The following ICE1 variants were observed in gnomAD, a reference collection of about 807,000 sequenced individuals.
The protein encoded by ICE1 is little elongation complex subunit 1.
ICE1 carries 64 observed loss-of-function variants against 192.7 expected under a neutral mutation model. The ratio of observed to expected loss-of-function variants is 0.33; its 90% CI spans 0.27 to 0.41. ICE1 has a LOEUF of 0.41. Ranked by LOEUF, ICE1 falls within the 10% of genes least tolerant of loss-of-function variation. The pLI is 1.00. For synonymous variants in ICE1, 1,010 were observed against 984.5 expected, an observed-to-expected ratio of 1.03 and a Z score of -0.49; for missense variants, 2,708 against 2,696.0, an observed-to-expected ratio of 1.00 and a Z score of -0.10.
intron 3 of ICE1, 109 bp downstream of exon 3, chr5:5,437,223 A>G: frequency 1.3e-6 from 1 of 784,728 alleles, no homozygotes; most frequent in East Asian, 2.7e-5. Context: ...ATAGTACTTA[A>G]CAGGCTTCAG....
intron 1 of ICE1, among the ~76,000 whole-genome samples, chr5:5,423,240 C>T (rs1250043910): frequency 6.6e-6 from 1 of 152,098 alleles, no homozygotes; most frequent in Non-Finnish European, 1.5e-5. Context: ...GCTGGTGTAA[C>T]GGTGGGGGTG....
In ICE1 at chr5:5,462,141, A is replaced by G; in HGVS notation, c.2807A>G (p.Asp936Gly). Reference sequence around the variant, plus strand: ...GTTTCTGCCTCTAGGAGAAAATTAGATTTTAATTCTCCAGGTGGTTCTTCA... The same window carrying G: ...GTTTCTGCCTCTAGGAGAAAATTAGGTTTTAATTCTCCAGGTGGTTCTTCA... ...PEVSASRRKL[D>G]FNSPGGSSPV... Residue 936 changes from aspartate (D) to glycine (G), a missense_variant, in exon 13 of 19, where the codon GAT (aspartate) becomes GGT (glycine). By Grantham distance (94) the Asp-to-Gly change is moderately conservative. Transcript: ENST00000296564. 2 of 1,613,914 alleles carry G rather than the reference A, an allele frequency of 1.2e-6. No individual in the cohort carries two copies. Among genetic ancestry groups the G allele is most frequent in the Non-Finnish European group, 1.7e-6 (2 of 1,179,798 alleles).
chr5:5,428,607 G>A (rs975305032), intron 1 of ICE1, among the ~76,000 whole-genome samples: 1 of 152,084 alleles, frequency 6.6e-6, no homozygotes, highest in Non-Finnish European at 1.5e-5. Context: ...TTTGTCTCCT[G>A]TACATGTTCC....
At chr5:5,475,240 C>G (rs1406002101) in intron 16 of ICE1, among the ~76,000 whole-genome samples, 1 of 152,180 alleles carries the variant, frequency 6.6e-6, no homozygotes, top group Non-Finnish European at 1.5e-5. Context: ...AACTGCCGAC[C>G]CTGCTCCCTT....
intron 1 of ICE1, among the ~76,000 whole-genome samples, chr5:5,428,546 A>G (rs989597911): frequency 2.6e-5 from 4 of 152,306 alleles, no homozygotes; most frequent in East Asian, 1.9e-4. Context: ...CAAATTCACA[A>G]ATTGTTAACA....
intron 3 of ICE1, 149 bp downstream of exon 3, chr5:5,437,263 C>A: frequency 1.7e-6 from 1 of 577,556 alleles, no homozygotes; most frequent in South Asian, 2.3e-5. Flanking sequence ...GCACAGTAAA[C>A]AGACAGTCCT....
intron 1 of ICE1, among the ~76,000 whole-genome samples, chr5:5,435,279 G>A (rs1208791064): frequency 6.6e-6 from 1 of 152,190 alleles, no homozygotes; most frequent in Non-Finnish European, 1.5e-5. Context: ...ATTTTAATGT[G>A]TAGATGTTTT....
chr5:5,460,341 A>G, intron 12 of ICE1, 95 bp from the exon 13 acceptor site: 1 of 850,322 alleles, frequency 1.2e-6, no homozygotes. Context: ...AAGATTCTTC[A>G]GGAAACGTGT....
At chr5:5,433,506 T>C (rs1236877449) in intron 1 of ICE1, among the ~76,000 whole-genome samples, 2 of 152,264 alleles carry the variant, frequency 1.3e-5, no homozygotes, top group Non-Finnish European at 1.5e-5. Context: ...TCCGTTTGTC[T>C]TTTATCCTCT....
chr5:5,463,000 A>C lies in ICE1; in HGVS notation c.3666A>C (p.Gln1222His). Residue 1222 changes from glutamine (Q) to histidine (H), a missense_variant, in exon 13 of 19, where the codon CAA becomes CAC. By Grantham distance (24) the Gln-to-His change is conservative (BLOSUM62 0). Coordinates refer to ENST00000296564, the MANE Select transcript of ICE1 (RefSeq NM_015325.3). ...AAATAGGAGAAAAATACAGAAAGCA[A>C]CCCTGTGAGGAAGAAACACTTGGAA... ...ASEIGEKYRK[Q>H]PCEEETLGTC... is the part of the protein sequence containing the mutation. The C allele has an allele frequency of 6.2e-7, 1 of 1,613,718 alleles. No homozygotes were observed. Among genetic ancestry groups the C allele is most frequent in the Non-Finnish European group, 8.5e-7 (1 of 1,179,818 alleles).
intron 17 of ICE1, 31 bp downstream of exon 17, chr5:5,476,110 C>G: frequency 7.6e-7 from 1 of 1,321,174 alleles, no homozygotes; most frequent in East Asian, 2.5e-5. Flanking sequence ...TTGTTTTTTT[C>G]TTGTTATTGA....
At chr5:5,445,460 G>T (rs1410890995) in intron 7 of ICE1, among the ~76,000 whole-genome samples, 1 of 151,776 alleles carries the variant, frequency 6.6e-6, no homozygotes, top group East Asian at 1.9e-4. Context: ...TTGAGACAGG[G>T]TCTCTCTCTG....
In ICE1 at chr5:5,463,679, C is replaced by G. The variant is rs1738878959; in HGVS notation, c.4345C>G (p.Pro1449Ala). 1.2e-6 allele frequency: 2 copies of G among 1,613,716 alleles called. No homozygotes were observed. The highest frequency in any genetic ancestry group is 2.2e-5 in the South Asian group (2 of 91,076). The change falls in exon 13 of 19, where the codon CCT (proline) becomes GCT (alanine). Residue 1449 changes from proline to alanine, a missense_variant. This residue lies in a region of ICE1 where 2,366 missense variants were observed against 2,276.6 expected (regional missense o/e 1.04). Coordinates refer to ENST00000296564, the MANE Select transcript of ICE1 (RefSeq NM_015325.3). ...ACTGTGTGACATTCCTGGAGACATCCCTATTTCTCAGGATCAAGGAGAGCT... is the reference window on the plus strand; with the variant it reads ...ACTGTGTGACATTCCTGGAGACATCGCTATTTCTCAGGATCAAGGAGAGCT... ...VTLCDIPGDIPISQDQGELEA... is the reference protein window; with the variant it reads ...VTLCDIPGDIAISQDQGELEA...
chr5:5,423,883 G>A (rs1019582759), intron 1 of ICE1, among the ~76,000 whole-genome samples: 1 of 152,238 alleles, frequency 6.6e-6, no homozygotes, highest in African/African-American at 2.4e-5. Context: ...AGATGCATAT[G>A]TGTGAATAAG....
intron 15 of ICE1, among the ~76,000 whole-genome samples, chr5:5,470,695 A>T (rs1311743029): frequency 6.6e-6 from 1 of 152,230 alleles, no homozygotes; most frequent in African/African-American, 2.4e-5. Flanking sequence ...GCCACATGAA[A>T]ACATTCATTT....
intron 17 of ICE1, among the ~76,000 whole-genome samples, chr5:5,482,352 CATAATAT>C (rs1456020134): frequency 6.6e-6 from 1 of 152,118 alleles, no homozygotes; most frequent in African/African-American, 2.4e-5. Flanking sequence ...GTGTAATTAA[CATAATAT>C]ATAATTGACA....
At position 5,461,191 on chromosome 5, in the gene ICE1, G is replaced by A. The variant is rs1738764345; in HGVS notation, c.1857G>A (p.Met619Ile). The change falls in exon 13 of 19, where the codon ATG becomes ATA. Residue 619 changes from methionine (M) to isoleucine (I), a missense_variant. Met to Ile is a conservative substitution (Grantham distance 10, BLOSUM62 1). Transcript: ENST00000296564. ...ESEDDDSGDG[M>I]DVAGLDIETS... ...AAGATGATGACTCAGGTGATGGAATGGATGTAGCAGGGCTTGACATTGAAA... is the reference window on the plus strand; with the variant it reads ...AAGATGATGACTCAGGTGATGGAATAGATGTAGCAGGGCTTGACATTGAAA... 1.2e-6 allele frequency: 2 copies of A among 1,614,016 alleles called. No individual in the cohort carries two copies. Among genetic ancestry groups the A allele is most frequent in the African/African-American group, 1.3e-5 (1 of 75,050 alleles).
intron 3 of ICE1, among the ~76,000 whole-genome samples, chr5:5,438,839 T>G (rs1304246795): frequency 6.6e-6 from 1 of 152,238 alleles, no homozygotes; most frequent in East Asian, 1.9e-4. Context: ...ATATTTGGCT[T>G]CATTGTCAGC....
intron 14 of ICE1, among the ~76,000 whole-genome samples, chr5:5,466,727 C>T (rs916533798): frequency 2.6e-5 from 4 of 152,182 alleles, no homozygotes; most frequent in African/African-American, 4.8e-5. Flanking sequence ...TCTCTCATTA[C>T]TGTGTATTTG....
Sources: allele counts gnomAD v4.1 joint callset (sites outside exome capture counted in the v4.1 genomes callset), GRCh38; gene constraint gnomAD v4.1.1; regional missense constraint gnomAD v4.1.1; transcripts MANE v1.5; gene names NCBI Gene and HGNC (gene_info 2026-07-23, HGNC 2026-07-21).